The following MAP4K4 variants were observed in gnomAD, a reference collection of about 807,000 sequenced individuals.
The protein encoded by MAP4K4 is mitogen-activated protein kinase kinase kinase kinase 4, also known as HPK/GCK-like kinase HGK.
In MAP4K4, 38 loss-of-function variants were observed where a neutral mutation model predicts 189.6. That is an observed-to-expected ratio of 0.20 (90% CI 0.15 to 0.26). MAP4K4 has a LOEUF of 0.26. MAP4K4 is among the 10% of genes least tolerant of loss of function. The pLI is 1.00. For synonymous variants in MAP4K4, 610 were observed against 624.3 expected (o/e 0.98, Z 0.34); for missense variants, 1,054 against 1,726.9 (o/e 0.61, Z 6.91).
exon 33 of MAP4K4, chr2:101,894,610 C>G (rs1188027121): frequency 6.6e-6 from 1 of 152,538 alleles, no homozygotes; most frequent in African/African-American, 2.4e-5. Flanking sequence ...TTTTGCAGTG[C>G]TAACTTGTCT....
At chr2:101,706,829 G>A (rs909756950) in intron 2 of MAP4K4, among the ~76,000 whole-genome samples, 4 of 152,092 alleles carry the variant, frequency 2.6e-5, no homozygotes, top group African/African-American at 7.2e-5. Flanking sequence ...AGGGTATATG[G>A]GTATTAAGGT....
At chr2:101,858,927 G>C (rs1576904869) in intron 13 of MAP4K4, 69 bp from the exon 14 acceptor site, 1 of 1,116,094 alleles carries the variant, frequency 9.0e-7, no homozygotes, top group African/African-American at 1.5e-5. Flanking sequence ...GGTTCTTGGT[G>C]CTCCATTCAG....
intron 32 of MAP4K4, among the ~76,000 whole-genome samples, chr2:101,889,709 T>C (rs1307293357): frequency 6.6e-6 from 1 of 152,224 alleles, no homozygotes; most frequent in Admixed American, 6.5e-5. Flanking sequence ...ACCACGACCT[T>C]TGAAACTTGG....
chr2:101,891,744 T>C (rs1178768571), exon 33 of MAP4K4: 1 of 153,428 alleles, frequency 6.5e-6, no homozygotes, highest in Non-Finnish European at 1.5e-5. Flanking sequence ...TTAATTGACA[T>C]TTCTTTTTTG....
intron 2 of MAP4K4, among the ~76,000 whole-genome samples, chr2:101,716,964 T>C (rs1304548609): frequency 1.3e-5 from 2 of 152,222 alleles, no homozygotes; most frequent in African/African-American, 4.8e-5. Context: ...ATATAATAAA[T>C]GGAGATAAAT....
chr2:101,791,134 TG>T (rs1281732545), intron 3 of MAP4K4, among the ~76,000 whole-genome samples: 1 of 152,024 alleles, frequency 6.6e-6, no homozygotes, highest in African/African-American at 2.4e-5. Flanking sequence ...GGGTTTCGAG[TG>T]GAGAAAAGCT....
In MAP4K4 at chr2:101,792,597, TCTCCTCCTCCTC is replaced by T. The variant is rs60472010; in HGVS notation, c.180+1842_180+1853del. ...ATACTTACTGCCACCTTCTCCTCCT[TCTCCTCCTCCTC>T]CTCCTCCTCCTCCTCCTCCTTCTTC... On this transcript the variant is annotated intron_variant, in intron 3 of 32. Coordinates refer to ENST00000324219, the Ensembl canonical transcript of MAP4K4. Among the ~76,000 whole-genome samples the T allele has an allele frequency of 7.3e-3, 1,051 of 144,912 alleles. 15 individuals are homozygous for T. The highest frequency in any genetic ancestry group is 0.026 in the African/African-American group (958 of 36,618).
intron 13 of MAP4K4, among the ~76,000 whole-genome samples, chr2:101,857,330 C>T (rs1279253102): frequency 3.3e-5 from 5 of 152,068 alleles, no homozygotes; most frequent in Admixed American, 1.3e-4. Flanking sequence ...TGCTGTAGGA[C>T]GCATTTCATT....
chr2:101,756,968 G>A (rs1349001788), intron 2 of MAP4K4, among the ~76,000 whole-genome samples: 1 of 152,118 alleles, frequency 6.6e-6, no homozygotes, highest in Non-Finnish European at 1.5e-5. Flanking sequence ...AGTTGTGTTT[G>A]GGAAAGATCT....
At chr2:101,842,979 G>A (rs189995895) in intron 11 of MAP4K4, among the ~76,000 whole-genome samples, 28 of 152,294 alleles carry the variant, frequency 1.8e-4, no homozygotes, top group Admixed American at 1.7e-3. Context: ...CAGAAGCCAC[G>A]GATGGTGAAG....
At chr2:101,863,709 AC>A in intron 16 of MAP4K4, 111 bp from the exon 17 acceptor site, 1 of 593,058 alleles carries the variant, frequency 1.7e-6, no homozygotes, top group Non-Finnish European at 3.0e-6. Flanking sequence ...ACACTGTACC[AC>A]CCCGGTGTGT....
At chr2:101,860,890 A>G (rs1350335292) in exon 16 of MAP4K4, 3 of 1,609,014 alleles carry the variant, frequency 1.9e-6, no homozygotes, top group African/African-American at 2.7e-5. Context: ...AGACAGGCAG[A>G]GTATTGGAGC....
intron 9 of MAP4K4, among the ~76,000 whole-genome samples, chr2:101,836,622 C>CT (rs2096763464): frequency 6.6e-6 from 1 of 151,992 alleles, no homozygotes; most frequent in Non-Finnish European, 1.5e-5. Flanking sequence ...GCTGTGTTGA[C>CT]TTGCATTTCC....
chr2:101,856,934 C>A (rs2097487902), intron 13 of MAP4K4, among the ~76,000 whole-genome samples: 1 of 152,188 alleles, frequency 6.6e-6, no homozygotes, highest in Non-Finnish European at 1.5e-5. Context: ...TATCATGTGT[C>A]TTGGGCTTTC....
chr2:101,789,291 C>T (rs1183754727), intron 2 of MAP4K4, among the ~76,000 whole-genome samples: 1 of 152,164 alleles, frequency 6.6e-6, no homozygotes, highest in Non-Finnish European at 1.5e-5. Context: ...ACAAAATCAT[C>T]ATTTGGTTTT....
chr2:101,785,480 C>T, intron 2 of MAP4K4, among the ~76,000 whole-genome samples: 1 of 152,150 alleles, frequency 6.6e-6, no homozygotes, highest in South Asian at 2.1e-4. Flanking sequence ...AATTTATTCA[C>T]TCCTCACAGT....
intron 15 of MAP4K4, 89 bp downstream of exon 15, chr2:101,859,953 C>A (rs1576926572): frequency 7.8e-7 from 1 of 1,286,456 alleles, no homozygotes; most frequent in Non-Finnish European, 1.1e-6. Flanking sequence ...CTAGAACGGG[C>A]CATAGAGTTT....
intron 2 of MAP4K4, among the ~76,000 whole-genome samples, chr2:101,722,317 C>G (rs576528684): frequency 3.1e-4 from 47 of 152,286 alleles, no homozygotes; most frequent in African/African-American, 1.1e-3. Context: ...TGGACATTAT[C>G]TGTCTACTGG....
At chr2:101,794,019 G>A (rs959458166) in intron 3 of MAP4K4, among the ~76,000 whole-genome samples, 2 of 152,180 alleles carry the variant, frequency 1.3e-5, no homozygotes, top group Non-Finnish European at 2.9e-5. Flanking sequence ...AATTTTGTGT[G>A]TGAGTACTTC....
Sources: gnomAD v4.1 joint callset for allele counts (sites outside exome capture counted in the v4.1 genomes callset) on GRCh38, gnomAD v4.1.1 for gene constraint, MANE v1.5 for transcripts, NCBI Gene and HGNC (gene_info 2026-07-23, HGNC 2026-07-21) for gene names.